Variants in SPIN1 observed in about 807,000 individuals in gnomAD.
The protein encoded by SPIN1 is spindlin 1.
Under a neutral mutation model 26.0 loss-of-function variants are expected in SPIN1, and 3 were observed. The ratio of observed to expected loss-of-function variants is 0.12; its 90% CI spans 0.05 to 0.30. The LOEUF is 0.30. Among genes scored for constraint, SPIN1 ranks in the 10% least tolerant of loss-of-function variants. SPIN1 has a pLI of 1.00. For missense variants in SPIN1, 126 were observed against 333.4 expected (o/e 0.38, Z 4.84); for synonymous variants, 101 against 116.5 (o/e 0.87, Z 0.86).
intron 1 of SPIN1, among the ~76,000 whole-genome samples, chr9:88,402,279 T>C (rs1827202771): frequency 6.6e-6 from 1 of 152,134 alleles, no homozygotes; most frequent in Admixed American, 6.6e-5. Context: ...AGGTGTGAAC[T>C]ACTGCGCCTC....
chr9:88,400,593 C>T (rs541462343), intron 1 of SPIN1, among the ~76,000 whole-genome samples: 1 of 152,160 alleles, frequency 6.6e-6, no homozygotes, highest in Non-Finnish European at 1.5e-5. Context: ...TACCTGTAAT[C>T]CCAGCACTTT....
At chr9:88,456,048 T>G (rs928237198) in intron 3 of SPIN1, among the ~76,000 whole-genome samples, 6 of 152,222 alleles carry the variant, frequency 3.9e-5, no homozygotes, top group Non-Finnish European at 8.8e-5. Flanking sequence ...TTAAACATTT[T>G]CTTTAGTTTC....
At chr9:88,458,097 A>G (rs1828505577) in intron 3 of SPIN1, 1 of 632,632 alleles carries the variant, frequency 1.6e-6, no homozygotes, top group Non-Finnish European at 2.0e-6. Flanking sequence ...TAGGTATAAT[A>G]TATGCAAAGT....
chr9:88,467,856 A>G (rs1046376092), intron 4 of SPIN1, among the ~76,000 whole-genome samples: 2 of 124,410 alleles, frequency 1.6e-5, no homozygotes, highest in Non-Finnish European at 3.8e-5. Flanking sequence ...AAAAAAAAAA[A>G]ACAAAAAAAA....
At chr9:88,389,209 C>G (rs770918263) in intron 1 of SPIN1, among the ~76,000 whole-genome samples, 3 of 152,186 alleles carry the variant, frequency 2.0e-5, no homozygotes, top group Non-Finnish European at 4.4e-5. Context: ...GTCTCTTCGC[C>G]GCCCTCCGTG....
chr9:88,463,148 G>T (rs1828603147), intron 4 of SPIN1, among the ~76,000 whole-genome samples: 1 of 152,124 alleles, frequency 6.6e-6, no homozygotes. Flanking sequence ...GTATCTTTGT[G>T]TACAACGTAA....
chr9:88,441,525 A>G (rs1312232802), intron 2 of SPIN1, among the ~76,000 whole-genome samples: 2 of 151,260 alleles, frequency 1.3e-5, no homozygotes, highest in African/African-American at 4.9e-5. Flanking sequence ...TGGTAGGCCT[A>G]AGTGGGAGGA....
chr9:88,470,806 C>G (rs1019751202), intron 5 of SPIN1, among the ~76,000 whole-genome samples: 1 of 152,102 alleles, frequency 6.6e-6, no homozygotes, highest in African/African-American at 2.4e-5. Flanking sequence ...ATTGGCCGGG[C>G]TCCTCTTGAA....
At chr9:88,442,411 C>CT (rs112471036) in intron 2 of SPIN1, among the ~76,000 whole-genome samples, 30,464 of 142,068 alleles carry the variant, frequency 0.21, 3,865 homozygotes, top group African/African-American at 0.36. Flanking sequence ...TTTTTCTTTC[C>CT]TTTTTTTTTT....
chr9:88,440,844 G>T (rs1197646522), intron 2 of SPIN1, among the ~76,000 whole-genome samples: 2 of 151,820 alleles, frequency 1.3e-5, no homozygotes, highest in African/African-American at 4.9e-5. Flanking sequence ...CTCCCAAAGT[G>T]CTGGGATTAC....
At chr9:88,461,686 C>G (rs1334378174) in intron 3 of SPIN1, among the ~76,000 whole-genome samples, 2 of 152,110 alleles carry the variant, frequency 1.3e-5, no homozygotes, top group African/African-American at 4.8e-5. Flanking sequence ...ATATCAGCAT[C>G]TGTTATCTTG....
At chr9:88,405,242 T>G (rs557387579) in intron 1 of SPIN1, among the ~76,000 whole-genome samples, 1 of 152,284 alleles carries the variant, frequency 6.6e-6, no homozygotes, top group African/African-American at 2.4e-5. Flanking sequence ...TTTTGTTTGT[T>G]TTTTGAGACA....
At chr9:88,413,327 G>A (rs1006023744) in intron 1 of SPIN1, among the ~76,000 whole-genome samples, 2 of 151,740 alleles carry the variant, frequency 1.3e-5, no homozygotes, top group Non-Finnish European at 2.9e-5. Context: ...TAAAGTGTTG[G>A]CCTCCTAAAG....
At chr9:88,472,664 TG>T (rs1828812666) in intron 5 of SPIN1, among the ~76,000 whole-genome samples, 1 of 152,180 alleles carries the variant, frequency 6.6e-6, no homozygotes, top group Admixed American at 6.5e-5. Flanking sequence ...ATCTAATTTT[TG>T]TATTTTTAGT....
At chr9:88,427,295 G>A (rs905540832) in intron 2 of SPIN1, among the ~76,000 whole-genome samples, 6 of 152,192 alleles carry the variant, frequency 3.9e-5, no homozygotes, top group Admixed American at 1.3e-4. Flanking sequence ...AAGTGATTTA[G>A]AACAATTTCT....
chr9:88,464,125 G>A (rs770799465), intron 4 of SPIN1, among the ~76,000 whole-genome samples: 17 of 152,254 alleles, frequency 1.1e-4, no homozygotes, highest in Non-Finnish European at 2.1e-4. Flanking sequence ...TCCAACAATA[G>A]TAATTTTGTA....
At chr9:88,395,030 G>A (rs1265045410) in intron 1 of SPIN1, among the ~76,000 whole-genome samples, 1 of 151,690 alleles carries the variant, frequency 6.6e-6, no homozygotes, top group East Asian at 1.9e-4. Context: ...AGATGGTCTC[G>A]ATCTCCTGAC....
intron 1 of SPIN1, among the ~76,000 whole-genome samples, chr9:88,421,154 T>C (rs1185762161): frequency 2.6e-5 from 4 of 152,246 alleles, no homozygotes; most frequent in African/African-American, 9.6e-5. Context: ...TCTACCTCTT[T>C]AAGCATTTCA....
At chr9:88,452,366 T>C (rs757039528) in intron 3 of SPIN1, among the ~76,000 whole-genome samples, 17 of 152,206 alleles carry the variant, frequency 1.1e-4, no homozygotes, top group Non-Finnish European at 2.4e-4. Context: ...CCACCCCATA[T>C]TTACTGAACT....
Sources: allele counts gnomAD v4.1 joint callset (sites outside exome capture counted in the v4.1 genomes callset), GRCh38; gene constraint gnomAD v4.1.1; transcripts MANE v1.5; gene names NCBI Gene and HGNC (gene_info 2026-07-23, HGNC 2026-07-21).